ARMH4: variants seen among roughly 807,000 people sequenced by gnomAD.
The protein encoded by ARMH4 is armadillo-like helical domain-containing protein 4.
A neutral mutation model predicts 61.9 loss-of-function variants in ARMH4; 49 were observed. The observed-to-expected ratio is 0.79, with a 90% CI of 0.63 to 1.00. The LOEUF (loss-of-function observed/expected upper bound fraction) is 1.00. Among genes scored for constraint, ARMH4 ranks in the 50% least tolerant of loss-of-function variants. The pLI, the probability that ARMH4 is intolerant of heterozygous loss-of-function variation, is 0.00. For missense variants in ARMH4, 934 were observed against 930.0 expected (o/e 1.00, Z -0.06); for synonymous variants, 368 against 341.5 (o/e 1.08, Z -0.85).
intron 5 of ARMH4, 143 bp from the exon 6 acceptor site, chr14:58,012,293 C>A: frequency 2.1e-6 from 1 of 472,224 alleles, no homozygotes. Flanking sequence ...CGATAATGGC[C>A]TTATTTTTAT....
At chr14:58,039,173 T>C (rs574567099) in intron 5 of ARMH4, among the ~76,000 whole-genome samples, 47 of 152,308 alleles carry the variant, frequency 3.1e-4, no homozygotes, top group Non-Finnish European at 5.6e-4. Context: ...AAAAACATTC[T>C]CAGAACTGAA....
intron 5 of ARMH4, among the ~76,000 whole-genome samples, chr14:58,064,094 G>T (rs1884625249): frequency 6.7e-6 from 1 of 149,880 alleles, no homozygotes. Flanking sequence ...CACCCAAAAT[G>T]TTGGCATTAA....
intron 3 of ARMH4, among the ~76,000 whole-genome samples, chr14:58,132,581 C>CTTTTTTTTTTTTT (rs71448942): frequency 1.3e-4 from 11 of 86,070 alleles, no homozygotes; most frequent in East Asian, 3.4e-4. Flanking sequence ...ACCCTTGTCC[C>CTTTTTTTTTTTTT]TTTTTTTTTT....
intron 5 of ARMH4, among the ~76,000 whole-genome samples, chr14:58,067,529 C>CT (rs1191614182): frequency 6.6e-6 from 1 of 152,152 alleles, no homozygotes; most frequent in Non-Finnish European, 1.5e-5. Context: ...CCAGCATAGC[C>CT]TGGAAGGGAG....
intron 4 of ARMH4, among the ~76,000 whole-genome samples, chr14:58,099,437 C>T (rs1008818792): frequency 2.6e-5 from 4 of 152,090 alleles, no homozygotes; most frequent in African/African-American, 9.7e-5. Context: ...AAAGCGTCTC[C>T]AAGGGCCCGA....
intron 4 of ARMH4, among the ~76,000 whole-genome samples, chr14:58,113,880 G>C (rs1031596575): frequency 6.6e-6 from 1 of 151,092 alleles, no homozygotes; most frequent in Admixed American, 6.6e-5. Flanking sequence ...AAATCTGCTG[G>C]GTCATTTTTG....
At chr14:58,070,377 A>C (rs1174137638) in intron 5 of ARMH4, among the ~76,000 whole-genome samples, 1 of 152,178 alleles carries the variant, frequency 6.6e-6, no homozygotes, top group Non-Finnish European at 1.5e-5. Flanking sequence ...ACCTCACATC[A>C]GGCCCCTTTT....
intron 5 of ARMH4, among the ~76,000 whole-genome samples, chr14:58,019,217 A>G (rs1234042536): frequency 6.6e-6 from 1 of 152,212 alleles, no homozygotes; most frequent in East Asian, 1.9e-4. Context: ...AATGTATTGT[A>G]TTCTTGAAAA....
rs112163861 is a variant in ARMH4, at chr14:58,075,318, C to T, written c.2089+21406G>A. Among the ~76,000 whole-genome samples the T allele has an allele frequency of 3.9e-3, 587 of 152,218 alleles. 6 individuals are homozygous for T. The highest frequency in any genetic ancestry group is 0.014 in the African/African-American group (567 of 41,520). On this transcript the variant is annotated intron_variant, in intron 5 of 7. Transcript: ENST00000267485. ...GACTCATGCACACATATGTTTATTG[C>T]GGCACTGTTCACAATAGCAAAGACT...
At chr14:58,031,915 C>G (rs1414542938) in intron 5 of ARMH4, among the ~76,000 whole-genome samples, 1 of 152,208 alleles carries the variant, frequency 6.6e-6, no homozygotes, top group Non-Finnish European at 1.5e-5. Flanking sequence ...GATCACATCA[C>G]TCCCTACTTA....
chr14:58,070,121 G>A (rs1884838107), intron 5 of ARMH4, among the ~76,000 whole-genome samples: 1 of 152,166 alleles, frequency 6.6e-6, no homozygotes, highest in South Asian at 2.1e-4. Flanking sequence ...AGAACCGAGT[G>A]AAGCAGAGAA....
chr14:58,041,613 A>G (rs1594714736), intron 5 of ARMH4, among the ~76,000 whole-genome samples: 1 of 152,326 alleles, frequency 6.6e-6, no homozygotes, highest in East Asian at 1.9e-4. Flanking sequence ...TTAAATGTAA[A>G]TGGGCTAAAT....
intron 4 of ARMH4, among the ~76,000 whole-genome samples, chr14:58,127,713 A>C (rs1351951951): frequency 6.6e-6 from 1 of 152,174 alleles, no homozygotes; most frequent in East Asian, 1.9e-4. Flanking sequence ...GAGCTAACCC[A>C]GAAGAGTCCA....
In ARMH4 at chr14:58,132,807, A is replaced by G. The variant is rs531602309; in HGVS notation, c.1621+283T>C. ...TCACCACGTTGGCCAGGATGGTCTC[A>G]ATCTCCTGACTTCGTGATCCACCCG... On this transcript the variant is annotated intron_variant, in intron 3 of 7. Transcript: ENST00000267485. 4.6e-5 allele frequency among the ~76,000 whole-genome samples: 7 copies of G among 151,756 alleles called. No homozygotes were observed. In the East Asian group the frequency reaches 5.8e-4, roughly 13 times the overall value.
Position 58,002,419 on chromosome 14 carries a change from C to T in ARMH4, c.*2317G>A. ...AGGACCACAGAGATACTGTGTTAAG[C>T]CAAAATTCACATACATGTCATCCTC... On this transcript the variant is annotated 3_prime_UTR_variant, in exon 8 of 8. Transcript: ENST00000267485. 1 of 152,062 alleles carries T rather than the reference C, an allele frequency of 6.6e-6. No homozygotes were observed. The highest frequency in any genetic ancestry group is 1.9e-4 in the East Asian group (1 of 5,194). 9.4% of individuals were successfully genotyped at this position (152,062 alleles called of 1,614,324 possible).
At chr14:58,107,835 C>T (rs960915288) in intron 4 of ARMH4, among the ~76,000 whole-genome samples, 2 of 151,744 alleles carry the variant, frequency 1.3e-5, no homozygotes, top group African/African-American at 4.8e-5. Context: ...AACAAGGTAG[C>T]TTCACCAGGC....
intron 3 of ARMH4, among the ~76,000 whole-genome samples, chr14:58,132,828 A>G (rs1594776326): frequency 6.6e-6 from 1 of 150,854 alleles, no homozygotes; most frequent in Admixed American, 6.6e-5. Flanking sequence ...TTCGTGATCC[A>G]CCCGCCTCAG....
At chr14:58,077,968 A>G (rs1238633494) in intron 5 of ARMH4, among the ~76,000 whole-genome samples, 1 of 152,212 alleles carries the variant, frequency 6.6e-6, no homozygotes, top group Non-Finnish European at 1.5e-5. Context: ...ATGTAGACTC[A>G]ATGGACAGAG....
intron 4 of ARMH4, among the ~76,000 whole-genome samples, chr14:58,123,641 G>A (rs1170630983): frequency 6.6e-6 from 1 of 152,088 alleles, no homozygotes; most frequent in Non-Finnish European, 1.5e-5. Flanking sequence ...TGGACCTTAA[G>A]GATGCCTTTT....
Sources: allele counts gnomAD v4.1 joint callset (sites outside exome capture counted in the v4.1 genomes callset), GRCh38; gene constraint gnomAD v4.1.1; transcripts MANE v1.5; gene names NCBI Gene and HGNC (gene_info 2026-07-23, HGNC 2026-07-21).